Variants in PTPRG observed in about 807,000 individuals in gnomAD.
PTPRG encodes receptor-type tyrosine-protein phosphatase gamma.
Under a neutral mutation model 165.3 loss-of-function variants are expected in PTPRG, and 102 were observed. The observed-to-expected ratio is 0.62, with a 90% CI of 0.53 to 0.73. The LOEUF is 0.73. Ranked by LOEUF, PTPRG falls within the 30% of genes least tolerant of loss-of-function variation. PTPRG has a pLI of 0.00. For missense variants in PTPRG, 1,866 were observed against 1,861.4 expected (o/e 1.00, Z -0.05); for synonymous variants, 675 against 669.5 (o/e 1.01, Z -0.13).
At chr3:61,893,536 GCTGCCT>G (rs2038272376) in intron 2 of PTPRG, among the ~76,000 whole-genome samples, 2 of 152,334 alleles carry the variant, frequency 1.3e-5, no homozygotes, top group South Asian at 4.1e-4. Flanking sequence ...CTATGGCGCA[GCTGCCT>G]CTGCAGTTTG....
chr3:61,611,891 G>A (rs575347330), intron 1 of PTPRG, among the ~76,000 whole-genome samples: 1 of 152,270 alleles, frequency 6.6e-6, no homozygotes, highest in South Asian at 2.1e-4. Context: ...TTTACATGAG[G>A]ACTATTCAAA....
intron 17 of PTPRG, among the ~76,000 whole-genome samples, chr3:62,265,550 G>A (rs1701836036): frequency 1.3e-5 from 2 of 151,994 alleles, no homozygotes; most frequent in Non-Finnish European, 2.9e-5. Flanking sequence ...ATAAACAAAG[G>A]TAGTTTTATT....
At position 62,282,718 on chromosome 3, in the gene PTPRG, T is replaced by C. The variant is rs1702500309; in HGVS notation, c.3913-9T>C. ...GGAAGGGATTTGACCCATGTTGTATTGGTTACAGGATGACTATGTCTTAGA... is the reference window on the plus strand; with the variant it reads ...GGAAGGGATTTGACCCATGTTGTATCGGTTACAGGATGACTATGTCTTAGA... On this transcript the variant is annotated splice_polypyrimidine_tract_variant and intron_variant, in intron 27 of 29. Coordinates refer to ENST00000474889, the MANE Select transcript of PTPRG (RefSeq NM_002841.4). 6.2e-7 allele frequency: 1 copy of C among 1,603,326 alleles called. No individual in the cohort carries two copies. Among genetic ancestry groups the C allele is most frequent in the Admixed American group, 1.7e-5 (1 of 57,284 alleles).
Position 62,191,519 on chromosome 3 carries a change from G to T in PTPRG, c.1084G>T (p.Ala362Ser). ...GAAGGTGCAGCCTCTGAACCAGACG[G>T]CACTGCAGGTGTCCTGGAGCCAGCC... ...HMKVQPLNQT[A>S]LQVSWSQPET... Residue 362 changes from alanine (A) to serine (S), a missense_variant, in exon 9 of 30, where the codon GCA (alanine) becomes TCA (serine). By Grantham distance (99) the Ala-to-Ser change is moderately conservative. Transcript: ENST00000474889. 1 of 1,614,112 alleles carries T rather than the reference G, an allele frequency of 6.2e-7. No individual in the cohort carries two copies.
At chr3:61,798,003 C>A (rs2035107318) in intron 2 of PTPRG, among the ~76,000 whole-genome samples, 1 of 152,138 alleles carries the variant, frequency 6.6e-6, no homozygotes, top group Admixed American at 6.5e-5. Context: ...CAGAGAGATA[C>A]TTGAGTCTGC....
intron 5 of PTPRG, among the ~76,000 whole-genome samples, chr3:62,101,950 A>G (rs2106828750): frequency 6.6e-6 from 1 of 152,354 alleles, no homozygotes; most frequent in South Asian, 2.1e-4. Context: ...TGTAAGCCAA[A>G]GAAAAAGTAT....
At chr3:62,094,737 G>C (rs938288479) in intron 5 of PTPRG, among the ~76,000 whole-genome samples, 5 of 152,206 alleles carry the variant, frequency 3.3e-5, no homozygotes, top group African/African-American at 1.2e-4. Context: ...CTGAGAATTT[G>C]TTTCTGCAGT....
chr3:61,678,074 GAC>G (rs1703298680), intron 1 of PTPRG, among the ~76,000 whole-genome samples: 2 of 152,186 alleles, frequency 1.3e-5, no homozygotes, highest in African/African-American at 4.8e-5. Flanking sequence ...ATCATCATTA[GAC>G]AAACAGTGCC....
At chr3:62,010,771 G>A (rs189607405) in intron 4 of PTPRG, among the ~76,000 whole-genome samples, 8 of 152,290 alleles carry the variant, frequency 5.3e-5, no homozygotes, top group Admixed American at 3.9e-4. Context: ...ACTGTCATCA[G>A]AGGGGGTCTG....
chr3:61,816,147 A>C (rs2035755838), intron 2 of PTPRG, among the ~76,000 whole-genome samples: 1 of 152,190 alleles, frequency 6.6e-6, no homozygotes, highest in African/African-American at 2.4e-5. Flanking sequence ...TCCAGGGATG[A>C]AGTTCAAATA....
chr3:62,253,793 T>C (rs1470444984), intron 15 of PTPRG, among the ~76,000 whole-genome samples: 1 of 152,204 alleles, frequency 6.6e-6, no homozygotes, highest in Non-Finnish European at 1.5e-5. Context: ...TTGGCAATTT[T>C]TTTCATAAGG....
chr3:61,751,918 G>A (rs941291366), intron 2 of PTPRG, among the ~76,000 whole-genome samples: 3 of 152,000 alleles, frequency 2.0e-5, no homozygotes, highest in Non-Finnish European at 2.9e-5. Flanking sequence ...GCATGAACCC[G>A]GGAGGCGGAG....
chr3:62,061,910 G>A (rs1043451716), intron 4 of PTPRG, among the ~76,000 whole-genome samples: 9 of 151,904 alleles, frequency 5.9e-5, no homozygotes, highest in Admixed American at 2.0e-4. Context: ...GATTACAGGC[G>A]TGAGCCACTG....
At chr3:62,180,795 A>G (rs913050087) in intron 8 of PTPRG, among the ~76,000 whole-genome samples, 1 of 152,202 alleles carries the variant, frequency 6.6e-6, no homozygotes, top group Admixed American at 6.5e-5. Context: ...GAGGGATATC[A>G]TGTAGAAAAA....
chr3:61,705,089 A>C (rs1000775316), intron 1 of PTPRG, among the ~76,000 whole-genome samples: 10 of 152,212 alleles, frequency 6.6e-5, no homozygotes, highest in African/African-American at 2.4e-4. Flanking sequence ...GGATAAAAAA[A>C]CACATGCACT....
intron 1 of PTPRG, among the ~76,000 whole-genome samples, chr3:61,697,807 C>T (rs2030694241): frequency 6.6e-6 from 1 of 152,116 alleles, no homozygotes; most frequent in African/African-American, 2.4e-5. Flanking sequence ...ACCATTTGGC[C>T]CTTCTTTGAG....
rs561341408 is a variant in PTPRG at position 61,585,307 on chromosome 3, A to G, written c.85+22935A>G. On this transcript the variant is annotated intron_variant, in intron 1 of 29. Transcript: ENST00000474889. ...AAAAAAAAAAAAAAAAAGAAAAAGG[A>G]AGAAAAGAAAATAGGGGAATAATTC... Among the ~76,000 whole-genome samples, 56 of 149,704 alleles carry G rather than the reference A, an allele frequency of 3.7e-4. 1 individual carries two copies. The South Asian group carries it at 0.012, about 31-fold the overall frequency.
chr3:62,260,882 ATATT>A (rs1701675813), intron 16 of PTPRG: 1 of 152,202 alleles, frequency 6.6e-6, no homozygotes. Context: ...AGATTTGACA[ATATT>A]TATTACGATT....
At chr3:61,837,460 C>T (rs2036502239) in intron 2 of PTPRG, among the ~76,000 whole-genome samples, 3 of 152,170 alleles carry the variant, frequency 2.0e-5, no homozygotes, top group Admixed American at 2.0e-4. Context: ...AAGCAGGGCT[C>T]CTGTTTGCCC....
Sources: allele counts gnomAD v4.1 joint callset (sites outside exome capture counted in the v4.1 genomes callset), GRCh38; gene constraint gnomAD v4.1.1; transcripts MANE v1.5; gene names NCBI Gene and HGNC (gene_info 2026-07-23, HGNC 2026-07-21).